The following CTNNA3 variants were observed in gnomAD, a reference collection of about 807,000 sequenced individuals.
The protein encoded by CTNNA3 is catenin alpha-3.
In CTNNA3, 76 loss-of-function variants were observed where a neutral mutation model predicts 95.7. The ratio of observed to expected loss-of-function variants is 0.79; its 90% CI spans 0.66 to 0.96. CTNNA3 has a LOEUF of 0.96. Ranked by LOEUF, CTNNA3 falls within the 40% of genes least tolerant of loss-of-function variation. The pLI, the probability that CTNNA3 is intolerant of heterozygous loss-of-function variation, is 0.00. For missense variants in CTNNA3, 1,191 were observed against 1,089.8 expected, an observed-to-expected ratio of 1.09 and a Z score of -1.31; for synonymous variants, 431 against 374.4, an observed-to-expected ratio of 1.15 and a Z score of -1.74.
chr10:65,938,727 G>T (rs1197292510), intron 17 of CTNNA3, among the ~76,000 whole-genome samples: 3 of 152,030 alleles, frequency 2.0e-5, no homozygotes, highest in African/African-American at 7.2e-5. Context: ...TTGGCAGGTG[G>T]CATAACAGTT....
intron 1 of CTNNA3, among the ~76,000 whole-genome samples, chr10:67,712,919 C>G (rs950553877): frequency 2.0e-5 from 3 of 152,064 alleles, no homozygotes; most frequent in Admixed American, 1.3e-4. Flanking sequence ...GGAACAAAAG[C>G]CAAAATTGAT....
chr10:66,765,795 T>A (rs570247699), intron 9 of CTNNA3, among the ~76,000 whole-genome samples: 62 of 152,242 alleles, frequency 4.1e-4, no homozygotes, highest in Admixed American at 1.6e-3. Context: ...TGTGGGGACA[T>A]GAGCCAGTTC....
At chr10:67,379,882 G>A (rs1380692974) in intron 5 of CTNNA3, among the ~76,000 whole-genome samples, 4 of 151,082 alleles carry the variant, frequency 2.6e-5, no homozygotes, top group Admixed American at 6.6e-5. Context: ...TTAGCCGGGC[G>A]TAGTGGCGGG....
chr10:66,502,702 T>A (rs1407418800), intron 11 of CTNNA3, among the ~76,000 whole-genome samples: 1 of 152,106 alleles, frequency 6.6e-6, no homozygotes, highest in African/African-American at 2.4e-5. Context: ...TTGCTGCTAT[T>A]TGCTCATTTC....
chr10:66,418,964 A>G (rs2093168887), intron 11 of CTNNA3, among the ~76,000 whole-genome samples: 1 of 152,118 alleles, frequency 6.6e-6, no homozygotes, highest in Non-Finnish European at 1.5e-5. Flanking sequence ...AAGAACTGGA[A>G]CAAGACAAGG....
chr10:67,088,540 G>A (rs911920323), intron 7 of CTNNA3, among the ~76,000 whole-genome samples: 1 of 151,840 alleles, frequency 6.6e-6, no homozygotes, highest in Non-Finnish European at 1.5e-5. Context: ...TGGACTAGGG[G>A]CATTACTGAA....
At chr10:66,157,443 AGAT>A (rs1169693405) in intron 13 of CTNNA3, among the ~76,000 whole-genome samples, 2 of 148,664 alleles carry the variant, frequency 1.3e-5, no homozygotes, top group East Asian at 2.2e-4. Flanking sequence ...ATAGATAGAT[AGAT>A]GATAGATAGA....
At chr10:67,259,559 GA>G (rs2132385497) in intron 5 of CTNNA3, among the ~76,000 whole-genome samples, 1 of 152,320 alleles carries the variant, frequency 6.6e-6, no homozygotes, top group Admixed American at 6.5e-5. Context: ...ATCACAAGGA[GA>G]GTTTGGAAAG....
rs1439880018 is a variant in CTNNA3, at chr10:65,932,261, G to T, written c.2401-11644C>A. 2.0e-5 allele frequency among the ~76,000 whole-genome samples: 3 copies of T among 152,160 alleles called. No homozygotes were observed. The East Asian group carries it at 5.8e-4, about 29-fold the overall frequency. On this transcript the variant is annotated intron_variant, in intron 17 of 17. Coordinates refer to ENST00000433211, the MANE Select transcript of CTNNA3 (RefSeq NM_013266.4). ...ATCCAGATTAATGATATAGCAGAAT[G>T]GGATGTATATATCCTGTTTCATTGT...
chr10:67,243,577 T>C (rs1409816638), intron 5 of CTNNA3, among the ~76,000 whole-genome samples: 1 of 152,196 alleles, frequency 6.6e-6, no homozygotes, highest in Non-Finnish European at 1.5e-5. Context: ...AGAAAACTCA[T>C]ATTTTTTGTT....
At chr10:67,599,814 C>T (rs568853263) in intron 3 of CTNNA3, among the ~76,000 whole-genome samples, 1 of 152,126 alleles carries the variant, frequency 6.6e-6, no homozygotes, top group Admixed American at 6.5e-5. Context: ...ACAAATTGAT[C>T]CATAGATCTA....
chr10:67,052,828 GAAAACAA>G (rs1404975471), intron 7 of CTNNA3: 1 of 151,828 alleles, frequency 6.6e-6, no homozygotes, highest in African/African-American at 2.4e-5. Flanking sequence ...TCTGCTGAAT[GAAAACAA>G]AAAACAAAAA....
intron 7 of CTNNA3, among the ~76,000 whole-genome samples, chr10:67,092,379 A>G (rs997318451): frequency 1.3e-5 from 2 of 151,992 alleles, no homozygotes; most frequent in Non-Finnish European, 2.9e-5. Context: ...AATTCTAGAG[A>G]AGGAAAACAT....
At chr10:66,842,041 C>T (rs1843082936) in intron 7 of CTNNA3, among the ~76,000 whole-genome samples, 1 of 152,106 alleles carries the variant, frequency 6.6e-6, no homozygotes, top group African/African-American at 2.4e-5. Context: ...AGCAATCCTC[C>T]CAACTCAGTT....
chr10:67,619,800 A>G (rs1843768520), intron 2 of CTNNA3, among the ~76,000 whole-genome samples: 1 of 152,142 alleles, frequency 6.6e-6, no homozygotes, highest in Non-Finnish European at 1.5e-5. Context: ...TATCTTCAAG[A>G]CTTTGAAAGA....
At chr10:67,606,325 T>C (rs1843271271) in intron 3 of CTNNA3, among the ~76,000 whole-genome samples, 1 of 152,208 alleles carries the variant, frequency 6.6e-6, no homozygotes, top group African/African-American at 2.4e-5. Flanking sequence ...AGATGAAATA[T>C]ATGCTTTTAT....
intron 5 of CTNNA3, among the ~76,000 whole-genome samples, chr10:67,226,756 C>T (rs149633915): frequency 5.9e-5 from 9 of 152,270 alleles, no homozygotes; most frequent in African/African-American, 2.2e-4. Context: ...CCTAGAAACA[C>T]ATCAAAACAG....
chr10:67,050,029 C>G (rs1183247347), intron 7 of CTNNA3, among the ~76,000 whole-genome samples: 2 of 152,130 alleles, frequency 1.3e-5, no homozygotes, highest in Non-Finnish European at 2.9e-5. Flanking sequence ...AGATGCTGAT[C>G]TCACCAATTC....
chr10:67,425,787 G>A (rs1249973982), intron 5 of CTNNA3, among the ~76,000 whole-genome samples: 1 of 152,042 alleles, frequency 6.6e-6, no homozygotes, highest in Non-Finnish European at 1.5e-5. Flanking sequence ...ACCACTCATA[G>A]AGAAGGGGGA....
Sources: allele counts gnomAD v4.1 joint callset (sites outside exome capture counted in the v4.1 genomes callset), GRCh38; gene constraint gnomAD v4.1.1; transcripts MANE v1.5; gene names NCBI Gene and HGNC (gene_info 2026-07-23, HGNC 2026-07-21).